Variants in PITPNM2 observed in about 807,000 individuals in gnomAD.
PITPNM2 encodes the protein phosphatidylinositol transfer protein membrane associated 2.
Under a neutral mutation model 132.2 loss-of-function variants are expected in PITPNM2, and 35 were observed. That is an observed-to-expected ratio of 0.26 (90% CI 0.20 to 0.35). The LOEUF is 0.35. Among genes scored for constraint, PITPNM2 ranks in the 10% least tolerant of loss-of-function variants. The pLI is 1.00. For synonymous variants in PITPNM2, 738 were observed against 799.2 expected, an observed-to-expected ratio of 0.92 and a Z score of 1.29; for missense variants, 1,332 against 1,912.0, an observed-to-expected ratio of 0.70 and a Z score of 5.66.
At chr12:123,060,204 C>T (rs2041185261) in intron 2 of PITPNM2, among the ~76,000 whole-genome samples, 1 of 152,184 alleles carries the variant, frequency 6.6e-6, no homozygotes, top group Admixed American at 6.5e-5. Flanking sequence ...GGAGAAGGAA[C>T]TTGACTGGGT....
chr12:123,133,803 CACACACACACAG>C (rs1172896205), intron 1 of PITPNM2, among the ~76,000 whole-genome samples: 1 of 90,438 alleles, frequency 1.1e-5, no homozygotes, highest in East Asian at 5.4e-4. Flanking sequence ...CACACACACA[CACACACACACAG>C]ACACACACAC....
intron 1 of PITPNM2, among the ~76,000 whole-genome samples, chr12:123,136,621 G>A (rs2043387254): frequency 1.3e-5 from 2 of 152,174 alleles, no homozygotes; most frequent in South Asian, 4.1e-4. Context: ...CACTTGGCCA[G>A]GCATGGTGGC....
intron 1 of PITPNM2, among the ~76,000 whole-genome samples, chr12:123,116,281 C>T (rs1477346808): frequency 6.6e-6 from 1 of 152,112 alleles, no homozygotes; most frequent in African/African-American, 2.4e-5. Context: ...TGGGCACAAC[C>T]CAGGCATCCA....
chr12:123,000,945 C>G lies in PITPNM2; in HGVS notation c.1154-97G>C. The stretch of plus-strand genomic sequence containing the variant: ...CTGTGACGAGGGGAGCTTGGGGGTC[C>G]CCAACTCACATGTATGCCCAGCACT... On this transcript the variant is annotated intron_variant, in intron 9 of 25. Transcript: ENST00000320201. The surrounding 1 kb of genome is among the most constrained non-coding windows in gnomAD (Gnocchi z 5.4). 6.4e-7 allele frequency: 1 copy of G among 1,553,398 alleles called. No homozygotes were observed. The highest frequency in any genetic ancestry group is 8.9e-7 in the Non-Finnish European group (1 of 1,126,524).
chr12:123,107,518 T>C (rs1187859158), intron 2 of PITPNM2, among the ~76,000 whole-genome samples: 1 of 151,948 alleles, frequency 6.6e-6, no homozygotes, highest in Non-Finnish European at 1.5e-5. Context: ...AGCAAGGAGC[T>C]TTTCTAAAAA....
intron 1 of PITPNM2, among the ~76,000 whole-genome samples, chr12:123,141,229 T>C (rs1210475485): frequency 1.3e-5 from 2 of 152,186 alleles, no homozygotes; most frequent in Non-Finnish European, 2.9e-5. Flanking sequence ...CTGAGGGCCA[T>C]ACCATGACTT....
chr12:123,121,759 G>C (rs1326333109), intron 1 of PITPNM2, among the ~76,000 whole-genome samples: 1 of 151,910 alleles, frequency 6.6e-6, no homozygotes, highest in Non-Finnish European at 1.5e-5. Flanking sequence ...TGTCCAGGGT[G>C]GTCTCTAACT....
Position 123,129,592 on chromosome 12 carries a change from T to C in PITPNM2, c.-199-19104A>G, listed in dbSNP as rs2851442. ...CAAGAAAAAAAAAAAATTAAATGGA[T>C]AGTGAACTTTATCAAATGCTTTTCT... On this transcript the variant is annotated intron_variant, in intron 1 of 25. Transcript: ENST00000320201. Among the ~76,000 whole-genome samples, 1,095 of 152,198 alleles carry C rather than the reference T, an allele frequency of 7.2e-3. 81 individuals are homozygous for C. In the East Asian group the frequency reaches 0.17, roughly 24 times the overall value.
chr12:122,991,207 G>A (rs2136078860), intron 16 of PITPNM2, among the ~76,000 whole-genome samples: 1 of 152,346 alleles, frequency 6.6e-6, no homozygotes, highest in East Asian at 1.9e-4. Context: ...ACAGCCAGCA[G>A]CCCCTGATGG....
At chr12:123,079,445 C>G (rs2041891911) in intron 2 of PITPNM2, among the ~76,000 whole-genome samples, 1 of 136,370 alleles carries the variant, frequency 7.3e-6, no homozygotes, top group African/African-American at 2.8e-5. Flanking sequence ...ACCTCCTGGG[C>G]TCAAAACAAT....
Position 122,986,838 on chromosome 12 carries a change from G to T in PITPNM2, c.3414-9C>A. 1 of 1,603,050 alleles carries T rather than the reference G, an allele frequency of 6.2e-7. No individual in the cohort carries two copies. Among genetic ancestry groups the T allele is most frequent in the East Asian group, 2.3e-5 (1 of 44,354 alleles). On this transcript the variant is annotated splice_polypyrimidine_tract_variant and intron_variant, in intron 23 of 25. Coordinates refer to ENST00000320201, the MANE Select transcript of PITPNM2 (RefSeq NM_020845.3). ...CCAGGTCCTGCCAGTGCCTGGGGGT[G>T]AGGTGTCGTCTCATGGTCACCCCTT...
At chr12:123,131,313 G>A in intron 1 of PITPNM2, among the ~76,000 whole-genome samples, 1 of 152,162 alleles carries the variant, frequency 6.6e-6, no homozygotes, top group African/African-American at 2.4e-5. Context: ...TTAGGCAGAG[G>A]TTGGAATTAT....
At chr12:123,014,629 G>A (rs573377028) in intron 3 of PITPNM2, among the ~76,000 whole-genome samples, 3 of 152,316 alleles carry the variant, frequency 2.0e-5, no homozygotes, top group African/African-American at 4.8e-5. Context: ...TTGAACCCGG[G>A]AGGCAGAGGT....
intron 3 of PITPNM2, among the ~76,000 whole-genome samples, chr12:123,032,830 A>G (rs922324491): frequency 6.6e-6 from 1 of 152,208 alleles, no homozygotes; most frequent in African/African-American, 2.4e-5. Flanking sequence ...TAAGTGGTTC[A>G]AGAGGGAATT....
chr12:123,146,369 C>T (rs1265756149), intron 1 of PITPNM2, among the ~76,000 whole-genome samples: 2 of 152,004 alleles, frequency 1.3e-5, no homozygotes, highest in Non-Finnish European at 2.9e-5. Context: ...CCAAGGTGGG[C>T]GGATCACTGG....
intron 8 of PITPNM2, among the ~76,000 whole-genome samples, chr12:123,002,496 T>C (rs2136175551): frequency 6.6e-6 from 1 of 152,342 alleles, no homozygotes; most frequent in Admixed American, 6.5e-5. Context: ...TACTGCAGCC[T>C]TGACCTCCTG....
intron 2 of PITPNM2, among the ~76,000 whole-genome samples, chr12:123,103,350 C>T (rs1006241515): frequency 6.6e-6 from 1 of 152,334 alleles, no homozygotes; most frequent in African/African-American, 2.4e-5. Flanking sequence ...GGGCCTGACA[C>T]TCCATGGAGG....
rs1055352947 is a variant in PITPNM2 at position 122,983,950 on chromosome 12, C to G, written c.*2077G>C. 1.3e-5 allele frequency: 2 copies of G among 152,712 alleles called. No homozygotes were observed. The highest frequency in any genetic ancestry group is 1.5e-5 in the Non-Finnish European group (1 of 68,050). 9.5% of individuals were successfully genotyped at this position (152,712 alleles called of 1,614,324 possible). ...CCTCCCTCTCTTAGTTTCAGAAAGA[C>G]TGGTACTTCCTCAAGAGGAGAATGT... On this transcript the variant is annotated 3_prime_UTR_variant, in exon 26 of 26. Transcript: ENST00000320201.
At chr12:123,136,782 A>C (rs1209984047) in intron 1 of PITPNM2, among the ~76,000 whole-genome samples, 1 of 152,194 alleles carries the variant, frequency 6.6e-6, no homozygotes, top group Non-Finnish European at 1.5e-5. Flanking sequence ...CTGTAGTCCC[A>C]GCTATTCAGG....
Sources: allele counts gnomAD v4.1 joint callset (sites outside exome capture counted in the v4.1 genomes callset), GRCh38; gene constraint gnomAD v4.1.1; non-coding constraint Gnocchi (gnomAD v3.1); transcripts MANE v1.5; gene names NCBI Gene and HGNC (gene_info 2026-07-23, HGNC 2026-07-21).